The following IL1RAPL1 variants were observed in gnomAD, a reference collection of about 807,000 sequenced individuals.
IL1RAPL1 encodes interleukin 1 receptor accessory protein like 1.
A neutral mutation model predicts 48.4 loss-of-function variants in IL1RAPL1; 3 were observed. That is an observed-to-expected ratio of 0.06 (90% CI 0.03 to 0.16). IL1RAPL1 has a LOEUF of 0.16. Among genes scored for constraint, IL1RAPL1 ranks in the 10% least tolerant of loss-of-function variants. The probability of loss-of-function intolerance (pLI) is 1.00; values close to 1 mark genes in which losing one functional copy is unlikely to be tolerated. For missense variants in IL1RAPL1, 349 were observed against 530.6 expected (o/e 0.66, Z 3.36); for synonymous variants, 185 against 187.7 (o/e 0.99, Z 0.12).
intron 2 of IL1RAPL1, among the ~76,000 whole-genome samples, chrX:28,943,814 C>T (rs1924226204): frequency 9.0e-6 from 1 of 110,587 alleles, no homozygotes; most frequent in African/African-American, 3.3e-5. Flanking sequence ...GTTTATCTTC[C>T]CAATTCCCTT....
intron 1 of IL1RAPL1, among the ~76,000 whole-genome samples, chrX:28,739,828 C>T (rs1490987704): frequency 1.8e-5 from 2 of 110,616 alleles, no homozygotes; most frequent in Non-Finnish European, 3.8e-5. Context: ...TTATGATATC[C>T]CCCTCCTTCC....
chrX:29,723,227 A>G (rs1019006758), intron 6 of IL1RAPL1, among the ~76,000 whole-genome samples: 3 of 112,117 alleles, frequency 2.7e-5, no homozygotes, highest in Admixed American at 1.9e-4. Context: ...AGAACTTTAC[A>G]TATAACTCTG....
intron 2 of IL1RAPL1, among the ~76,000 whole-genome samples, chrX:28,871,377 T>C (rs1320970938): frequency 8.9e-6 from 1 of 112,160 alleles, no homozygotes. Context: ...TTTGCTGTTT[T>C]ATAGTAGGAA....
At chrX:29,594,952 T>C (rs1923494429) in intron 5 of IL1RAPL1, among the ~76,000 whole-genome samples, 1 of 111,609 alleles carries the variant, frequency 9.0e-6, no homozygotes, top group Admixed American at 9.6e-5. Flanking sequence ...CCTTATAGCT[T>C]AGCTCCAACT....
chrX:29,236,325 C>T (rs1170108417), intron 2 of IL1RAPL1, among the ~76,000 whole-genome samples: 1 of 110,874 alleles, frequency 9.0e-6, no homozygotes, highest in Non-Finnish European at 1.9e-5. Flanking sequence ...GTCACACTTA[C>T]GTTGGATTGG....
intron 2 of IL1RAPL1, among the ~76,000 whole-genome samples, chrX:29,172,216 T>C (rs1327085772): frequency 8.9e-6 from 1 of 112,084 alleles, no homozygotes; most frequent in African/African-American, 3.2e-5. Context: ...ATCTCAGTAA[T>C]TGAATTTGTT....
chrX:29,248,039 T>C (rs1931546524), intron 2 of IL1RAPL1, among the ~76,000 whole-genome samples: 1 of 111,628 alleles, frequency 9.0e-6, no homozygotes, highest in African/African-American at 3.3e-5. Context: ...AGAAGAACTA[T>C]GGTGGAGTCT....
At chrX:28,831,426 T>C (rs1921053596) in intron 2 of IL1RAPL1, among the ~76,000 whole-genome samples, 1 of 108,893 alleles carries the variant, frequency 9.2e-6, no homozygotes, top group South Asian at 4.0e-4. Context: ...AAATTCTGAG[T>C]CAGGTGAAAT....
intron 3 of IL1RAPL1, among the ~76,000 whole-genome samples, chrX:29,299,265 A>T (rs1397232641): frequency 9.0e-6 from 1 of 111,119 alleles, no homozygotes; most frequent in Admixed American, 9.6e-5. Context: ...AAATTCCCAT[A>T]TATATGTCCT....
intron 5 of IL1RAPL1, among the ~76,000 whole-genome samples, chrX:29,661,894 G>A (rs964975450): frequency 4.5e-5 from 5 of 111,283 alleles, no homozygotes; most frequent in Admixed American, 9.6e-5. Context: ...ACACTGTGCC[G>A]TCGCCTTTCA....
At chrX:28,679,312 G>C (rs891581935) in intron 1 of IL1RAPL1, among the ~76,000 whole-genome samples, 1 of 111,090 alleles carries the variant, frequency 9.0e-6, no homozygotes, top group Non-Finnish European at 1.9e-5. Context: ...CCATTATTTC[G>C]TTTTCATTAT....
chrX:29,262,886 C>CT (rs1379075793), intron 2 of IL1RAPL1, among the ~76,000 whole-genome samples: 88 of 107,448 alleles, frequency 8.2e-4, no homozygotes, highest in Non-Finnish European at 9.1e-4. Flanking sequence ...CCTAGATTAA[C>CT]TTTTTTTTTT....
chrX:29,769,377 A>G (rs959871561), intron 6 of IL1RAPL1, among the ~76,000 whole-genome samples: 1 of 99,132 alleles, frequency 1.0e-5, no homozygotes, highest in South Asian at 4.6e-4. Context: ...TCTTGGTTAT[A>G]TACCTACAAG....
chrX:29,919,977 G>A lies in IL1RAPL1; in HGVS notation c.940G>A (p.Glu314Lys), dbSNP rs1450355027. The part of the protein sequence containing the change: ...RILKEHLGEQ[E>K]VSISLIVDSV... ...TCTTAAGGAGCATCTTGGGGAACAG[G>A]AAGTTTCCATCTCATTAATTGTGGA... Residue 314 changes from glutamate (E) to lysine (K), a missense_variant, in exon 8 of 11, where the codon GAA becomes AAA. This residue lies in a region of IL1RAPL1 where 238 missense variants were observed against 337.8 expected (regional missense o/e 0.70). Coordinates refer to ENST00000378993, the MANE Select transcript of IL1RAPL1 (RefSeq NM_014271.4). 1 of 1,211,035 alleles carries A rather than the reference G, an allele frequency of 8.3e-7. No individual in the cohort carries two copies. Among genetic ancestry groups the A allele is most frequent in the East Asian group, 3.0e-5 (1 of 33,839 alleles).
intron 2 of IL1RAPL1, among the ~76,000 whole-genome samples, chrX:29,115,058 A>C (rs1928651940): frequency 8.9e-6 from 1 of 112,208 alleles, no homozygotes; most frequent in Non-Finnish European, 1.9e-5. Context: ...CTATGTTTAC[A>C]TTTCCATTAT....
intron 3 of IL1RAPL1, among the ~76,000 whole-genome samples, chrX:29,390,077 G>C (rs1051138406): frequency 2.7e-5 from 3 of 112,633 alleles, no homozygotes; most frequent in Admixed American, 1.9e-4. Context: ...AAGGCTTTAA[G>C]ATTAGAAATA....
At chrX:29,518,966 A>T (rs997156968) in intron 5 of IL1RAPL1, among the ~76,000 whole-genome samples, 4 of 112,008 alleles carry the variant, frequency 3.6e-5, no homozygotes, top group African/African-American at 1.3e-4. Flanking sequence ...AATATTCAGA[A>T]CACATTTTGA....
intron 6 of IL1RAPL1, among the ~76,000 whole-genome samples, chrX:29,721,813 A>G (rs1927644153): frequency 8.9e-6 from 1 of 112,043 alleles, no homozygotes; most frequent in South Asian, 3.7e-4. Context: ...AAGAATATCA[A>G]TACTGTTTTA....
chrX:28,653,053 G>A (rs950889251), intron 1 of IL1RAPL1, among the ~76,000 whole-genome samples: 3 of 112,003 alleles, frequency 2.7e-5, no homozygotes, highest in Non-Finnish European at 5.6e-5. Flanking sequence ...CATTAATCCT[G>A]TCACATAAAG....
Sources: gnomAD v4.1 joint callset for allele counts (sites outside exome capture counted in the v4.1 genomes callset) on GRCh38, gnomAD v4.1.1 for gene constraint, gnomAD v4.1.1 regional missense constraint, MANE v1.5 for transcripts, NCBI Gene and HGNC (gene_info 2026-07-23, HGNC 2026-07-21) for gene names.